Variants in PPM1H observed in about 807,000 individuals in gnomAD.
PPM1H encodes protein phosphatase 1H.
PPM1H carries 27 observed loss-of-function variants against 54.9 expected under a neutral mutation model. The observed-to-expected ratio is 0.49, with a 90% CI of 0.36 to 0.68. The LOEUF (loss-of-function observed/expected upper bound fraction) is 0.68. Ranked by LOEUF, PPM1H falls within the 30% of genes least tolerant of loss-of-function variation. The pLI is 0.00. For missense variants in PPM1H, 596 were observed against 667.8 expected (o/e 0.89, Z 1.19); for synonymous variants, 305 against 270.8 (o/e 1.13, Z -1.24).
chr12:62,652,017 CCTAA>C (rs2075819135), intron 9 of PPM1H, among the ~76,000 whole-genome samples: 1 of 152,132 alleles, frequency 6.6e-6, no homozygotes, highest in South Asian at 2.1e-4. Flanking sequence ...CTTTGTAGGC[CCTAA>C]CTAAGACTTA....
chr12:62,687,767 G>A (rs907492677), intron 8 of PPM1H, among the ~76,000 whole-genome samples: 1 of 152,104 alleles, frequency 6.6e-6, no homozygotes. Flanking sequence ...CCAGCACTTT[G>A]GGAGGCCGAG....
chr12:62,805,206 C>T (rs555992087), intron 2 of PPM1H, among the ~76,000 whole-genome samples: 17 of 152,180 alleles, frequency 1.1e-4, no homozygotes, highest in South Asian at 8.3e-4. Flanking sequence ...ATCAAAAAAA[C>T]GAGACAAGTG....
At chr12:62,755,705 C>T in intron 4 of PPM1H, 1 of 689,104 alleles carries the variant, frequency 1.5e-6, no homozygotes, top group Non-Finnish European at 2.6e-6. Flanking sequence ...GTGCCTCTGG[C>T]CAAGGTTATC....
intron 1 of PPM1H, among the ~76,000 whole-genome samples, chr12:62,887,013 G>C (rs1161658235): frequency 6.6e-6 from 1 of 152,198 alleles, no homozygotes; most frequent in East Asian, 1.9e-4. Flanking sequence ...GCTGTACAGG[G>C]GGACAGGAAG....
intron 6 of PPM1H, among the ~76,000 whole-genome samples, chr12:62,713,207 C>T (rs1038231575): frequency 1.3e-5 from 2 of 152,132 alleles, no homozygotes; most frequent in African/African-American, 4.8e-5. Context: ...AGCCAAACTC[C>T]AGGCTATAGA....
At chr12:62,654,284 G>A (rs891613056) in intron 9 of PPM1H, among the ~76,000 whole-genome samples, 7 of 149,620 alleles carry the variant, frequency 4.7e-5, no homozygotes, top group Admixed American at 2.0e-4. Flanking sequence ...TAAGGTCTCA[G>A]GAGATAGGCG....
rs191056008 is a variant in PPM1H at position 62,821,425 on chromosome 12, C to A, written c.411+10689G>T. Among the ~76,000 whole-genome samples the A allele has an allele frequency of 4.4e-3, 669 of 152,240 alleles. 6 individuals carry two copies. Among genetic ancestry groups the A allele is most frequent in the African/African-American group, 0.016 (645 of 41,542 alleles). The stretch of plus-strand genomic sequence containing the variant: ...AAAATTCAGGAAATACAGAGACCAC[C>A]ACAAAGATACTCCTCAAGAAGAGCA... On this transcript the variant is annotated intron_variant, in intron 2 of 9. Transcript: ENST00000228705.
chr12:62,901,481 C>T (rs1031666905), intron 1 of PPM1H, among the ~76,000 whole-genome samples: 1 of 152,176 alleles, frequency 6.6e-6, no homozygotes, highest in African/African-American at 2.4e-5. Context: ...CAACAGAGGC[C>T]TTTTGGGTAA....
chr12:62,688,467 C>T (rs1240799175), intron 8 of PPM1H, among the ~76,000 whole-genome samples: 2 of 152,046 alleles, frequency 1.3e-5, no homozygotes, highest in Non-Finnish European at 2.9e-5. Flanking sequence ...TACTTTTGCA[C>T]CAACCTAATA....
chr12:62,878,183 C>T (rs1325452429), intron 1 of PPM1H, among the ~76,000 whole-genome samples: 1 of 152,204 alleles, frequency 6.6e-6, no homozygotes, highest in Non-Finnish European at 1.5e-5. Context: ...CAGGCGTGAG[C>T]CACCGCGCCC....
chr12:62,795,840 C>A (rs1365144831), intron 3 of PPM1H, among the ~76,000 whole-genome samples: 1 of 152,178 alleles, frequency 6.6e-6, no homozygotes, highest in Non-Finnish European at 1.5e-5. Context: ...GATTCTCATG[C>A]CTCAGCCTCC....
intron 8 of PPM1H, among the ~76,000 whole-genome samples, chr12:62,669,709 A>T (rs548120985): frequency 6.6e-6 from 1 of 152,050 alleles, no homozygotes; most frequent in South Asian, 2.1e-4. Flanking sequence ...AGGCAGGGGG[A>T]TCACTTGAGG....
chr12:62,702,544 C>CAGAGAGAGAGAGAGAGAG lies in PPM1H; in HGVS notation c.1074-8563_1074-8546dup, dbSNP rs66497730. ...TCTTCTAAGTCATGACCTTGAGCTA[C>CAGAGAGAGAGAGAGAGAG]AGAGAGAGAGAGAGAGAGAGAGAGA... On this transcript the variant is annotated intron_variant, in intron 6 of 9. Transcript: ENST00000228705. Among the ~76,000 whole-genome samples the CAGAGAGAGAGAGAGAGAG allele has an allele frequency of 4.2e-3, 588 of 140,684 alleles. 3 individuals are homozygous for CAGAGAGAGAGAGAGAGAG. The highest frequency in any genetic ancestry group is 0.015 in the Middle Eastern group (4 of 262). The allele number at this position is 140,684 out of a possible 152,430, so 92.3% of individuals were successfully genotyped here. A position where few individuals can be genotyped will look rare whatever the true frequency, so the allele number is the denominator to read the frequency against.
intron 4 of PPM1H, among the ~76,000 whole-genome samples, chr12:62,740,312 G>C (rs2076374208): frequency 6.6e-6 from 1 of 151,960 alleles, no homozygotes; most frequent in Admixed American, 6.6e-5. Flanking sequence ...ACATCCCTTG[G>C]GCATGCCATC....
chr12:62,811,225 A>T lies in PPM1H; in HGVS notation c.412-9065T>A, dbSNP rs139890264. 4.1e-4 allele frequency among the ~76,000 whole-genome samples: 62 copies of T among 152,328 alleles called. 1 individual carries two copies. The highest frequency in any genetic ancestry group is 8.1e-4 in the Non-Finnish European group (55 of 68,030). ...GATGATATGTATCTATGCACGCATT[A>T]AAATTCATACAACTGTATACCAAAA... On this transcript the variant is annotated intron_variant, in intron 2 of 9. Transcript: ENST00000228705.
chr12:62,866,868 A>T (rs1413468085), intron 1 of PPM1H, among the ~76,000 whole-genome samples: 1 of 151,984 alleles, frequency 6.6e-6, no homozygotes, highest in East Asian at 1.9e-4. Context: ...TGAGTCCATG[A>T]CGCTCATCCC....
chr12:62,839,338 A>G (rs1459707402), intron 1 of PPM1H, among the ~76,000 whole-genome samples: 7 of 152,222 alleles, frequency 4.6e-5, no homozygotes, highest in African/African-American at 1.4e-4. Flanking sequence ...AATCAGATTG[A>G]TATTTTAAAA....
At chr12:62,776,395 T>G (rs1479003683) in intron 4 of PPM1H, among the ~76,000 whole-genome samples, 1 of 152,226 alleles carries the variant, frequency 6.6e-6, no homozygotes, top group Non-Finnish European at 1.5e-5. Context: ...ACCAATAGCA[T>G]ACTCAACATT....
In PPM1H at chr12:62,804,094, T is replaced by C. The variant is rs1371910937; in HGVS notation, c.412-1934A>G. The stretch of plus-strand genomic sequence containing the variant: ...TGGTGAAATACTGCATGCTTTCCCA[T>C]AACACTGGGCAAAACAAAAAAAGTA... On this transcript the variant is annotated intron_variant, in intron 2 of 9. Coordinates refer to ENST00000228705, the MANE Select transcript of PPM1H (RefSeq NM_020700.2). 2.6e-5 allele frequency among the ~76,000 whole-genome samples: 4 copies of C among 152,276 alleles called. No individual in the cohort carries two copies. The East Asian group carries it at 7.7e-4, about 29-fold the overall frequency.
Sources: gnomAD v4.1 joint callset for allele counts (sites outside exome capture counted in the v4.1 genomes callset) on GRCh38, gnomAD v4.1.1 for gene constraint, MANE v1.5 for transcripts, NCBI Gene and HGNC (gene_info 2026-07-23, HGNC 2026-07-21) for gene names.